The following VPS45 variants were observed in gnomAD, a reference collection of about 807,000 sequenced individuals.
VPS45 encodes the protein vacuolar protein sorting 45 homolog, also known as vacuolar protein sorting-associated protein 45.
VPS45 carries 35 observed loss-of-function variants against 75.9 expected under a neutral mutation model. The ratio of observed to expected loss-of-function variants is 0.46; its 90% CI spans 0.35 to 0.61. The LOEUF (loss-of-function observed/expected upper bound fraction) is 0.61, where lower values mean the gene tolerates loss of function less well. Among genes scored for constraint, VPS45 ranks in the 20% least tolerant of loss-of-function variants. The probability of loss-of-function intolerance (pLI) is 0.00; values close to 1 mark genes in which losing one functional copy is unlikely to be tolerated. For missense variants in VPS45, 559 were observed against 685.9 expected (o/e 0.81, Z 2.07); for synonymous variants, 220 against 238.2 (o/e 0.92, Z 0.70).
intron 9 of VPS45, among the ~76,000 whole-genome samples, chr1:150,082,460 G>A (rs914209737): frequency 6.8e-6 from 1 of 147,576 alleles, no homozygotes; most frequent in Non-Finnish European, 1.5e-5. Flanking sequence ...GTTGCAGTGA[G>A]CCAAGATCAC....
intron 7 of VPS45, 96 bp from the exon 8 acceptor site, chr1:150,081,246 A>T: frequency 8.4e-7 from 1 of 1,186,452 alleles, no homozygotes; most frequent in Non-Finnish European, 1.2e-6. Context: ...AAAGAAGACT[A>T]GTTAAAGAAT....
chr1:150,132,629 G>T (rs1221356726), intron 14 of VPS45, among the ~76,000 whole-genome samples: 4 of 152,130 alleles, frequency 2.6e-5, no homozygotes, highest in Non-Finnish European at 5.9e-5. Context: ...TAGAGCTTCT[G>T]AGCCTAAGTG....
chr1:150,067,782 C>G lies in VPS45; in HGVS notation c.-76C>G, dbSNP rs146883367. The G allele has an allele frequency of 1.2e-5, 18 of 1,472,686 alleles. No individual in the cohort carries two copies. Among genetic ancestry groups the G allele is most frequent in the South Asian group, 7.0e-5 (6 of 85,418 alleles). The allele number at this position is 1,472,686 out of a possible 1,614,324, so 91.2% of individuals were successfully genotyped here. A position where few individuals can be genotyped will look rare whatever the true frequency, so the allele number is the denominator to read the frequency against. ...CGGCTGGGAGGAAGCAGCTGAGACC[C>G]GGCCAACAGACTGGGGGTTAATTTA... On this transcript the variant is annotated 5_prime_UTR_variant, in exon 1 of 15. Coordinates refer to ENST00000644510, the MANE Select transcript of VPS45 (RefSeq NM_007259.5).
intron 2 of VPS45, 62 bp from the exon 3 acceptor site, chr1:150,072,104 T>C (rs1235831757): frequency 2.1e-6 from 3 of 1,428,570 alleles, no homozygotes; most frequent in African/African-American, 2.8e-5. Context: ...GGGTGAATGC[T>C]TATTACTTTT....
chr1:150,068,109 GT>G, intron 1 of VPS45, 159 bp downstream of exon 1: 2 of 700,690 alleles, frequency 2.9e-6, no homozygotes, highest in Non-Finnish European at 2.4e-6. Flanking sequence ...TGCCCGGTGG[GT>G]TTTCAGTCTA....
intron 10 of VPS45, among the ~76,000 whole-genome samples, chr1:150,088,304 C>T (rs1229852668): frequency 2.0e-5 from 3 of 151,800 alleles, no homozygotes; most frequent in Non-Finnish European, 2.9e-5. Context: ...TTTTTAGATT[C>T]CACATATGAG....
At chr1:150,075,404 G>A (rs777560154) in intron 3 of VPS45, among the ~76,000 whole-genome samples, 2 of 151,996 alleles carry the variant, frequency 1.3e-5, no homozygotes, top group African/African-American at 2.4e-5. Context: ...AAATTCATAG[G>A]TGAATACAGA....
intron 14 of VPS45, among the ~76,000 whole-genome samples, chr1:150,134,928 ATATT>A (rs1349227833): frequency 1.3e-5 from 2 of 152,250 alleles, no homozygotes; most frequent in East Asian, 3.8e-4. Context: ...ATTAAGGAGT[ATATT>A]TATTGAGTGG....
chr1:150,081,579 G>A, intron 8 of VPS45, 103 bp downstream of exon 8: 1 of 1,315,802 alleles, frequency 7.6e-7, no homozygotes. Flanking sequence ...TCATGTGAAA[G>A]GATGATAGGG....
intron 14 of VPS45, among the ~76,000 whole-genome samples, chr1:150,144,341 A>C (rs1553816077): frequency 6.6e-6 from 1 of 152,222 alleles, no homozygotes; most frequent in African/African-American, 2.4e-5. Context: ...GCTCTGAGAC[A>C]GTTTCAAGAG....
intron 14 of VPS45, among the ~76,000 whole-genome samples, chr1:150,136,908 G>A (rs1553813884): frequency 6.6e-6 from 1 of 151,970 alleles, no homozygotes; most frequent in Admixed American, 6.6e-5. Flanking sequence ...AGATTTGTTT[G>A]TTTGTTTTGA....
chr1:150,100,660 G>C (rs1363911158), intron 13 of VPS45, among the ~76,000 whole-genome samples: 1 of 152,114 alleles, frequency 6.6e-6, no homozygotes, highest in Non-Finnish European at 1.5e-5. Flanking sequence ...ACAGAATAGA[G>C]AGCCCAGAAA....
chr1:150,139,696 G>A (rs1659284006), intron 14 of VPS45, among the ~76,000 whole-genome samples: 1 of 152,040 alleles, frequency 6.6e-6, no homozygotes, highest in South Asian at 2.1e-4. Context: ...TGGGACTACA[G>A]GTGTGCACCA....
intron 13 of VPS45, among the ~76,000 whole-genome samples, chr1:150,101,646 A>G (rs1657014313): frequency 2.0e-5 from 3 of 151,968 alleles, no homozygotes; most frequent in Admixed American, 2.0e-4. Context: ...AGGCAGGAGA[A>G]TGGCTTGAAC....
intron 14 of VPS45, among the ~76,000 whole-genome samples, chr1:150,123,222 A>G (rs781864947): frequency 6.6e-6 from 1 of 152,168 alleles, no homozygotes; most frequent in Non-Finnish European, 1.5e-5. Context: ...TGACTGAGTA[A>G]TATTTCACTG....
intron 2 of VPS45, chr1:150,068,969 TTTTTAGGTTCACAGCCATTCC>T: frequency 1.8e-6 from 1 of 540,682 alleles, no homozygotes; most frequent in Non-Finnish European, 3.1e-6. Context: ...TTCAAGATGT[TTTTTAGGTTCACAGCCATTCC>T]CATTGCCACT....
chr1:150,141,122 C>T lies in VPS45; in HGVS notation c.1626-3587C>T, dbSNP rs201689921. ...ATTTCATCTTATCCTTCTGCCTTACCCACTCCCATACTCCTAACTTCTCCA... is the reference window on the plus strand; with the variant it reads ...ATTTCATCTTATCCTTCTGCCTTACTCACTCCCATACTCCTAACTTCTCCA... On this transcript the variant is annotated intron_variant, in intron 14 of 14. Transcript: ENST00000644510. Among the ~76,000 whole-genome samples the T allele has an allele frequency of 5.3e-4, 81 of 152,276 alleles. 2 individuals carry two copies. In the East Asian group the frequency reaches 0.013, roughly 24 times the overall value.
chr1:150,102,233 G>T (rs1377851167), intron 13 of VPS45, among the ~76,000 whole-genome samples: 1 of 28,028 alleles, frequency 3.6e-5, no homozygotes, highest in South Asian at 2.0e-3. Context: ...GTGAGACTCC[G>T]TCAAAAAAAA....
At position 150,145,237 on chromosome 1, in the gene VPS45, C is replaced by T; in HGVS notation, c.*441C>T. ...AAACCTACCATGTTTCTTTACAGAG[C>T]CATCCAAAAATTTTTTGTCCCTACA... On this transcript the variant is annotated 3_prime_UTR_variant, in exon 15 of 15. Coordinates refer to ENST00000644510, the MANE Select transcript of VPS45 (RefSeq NM_007259.5). 1 of 208,516 alleles carries T rather than the reference C, an allele frequency of 4.8e-6. No homozygotes were observed. The highest frequency in any genetic ancestry group is 9.6e-6 in the Non-Finnish European group (1 of 104,108). 12.9% of individuals were successfully genotyped at this position (208,516 alleles called of 1,614,324 possible). A position where few individuals can be genotyped will look rare whatever the true frequency, so the allele number is the denominator to read the frequency against.
Sources: allele counts gnomAD v4.1 joint callset (sites outside exome capture counted in the v4.1 genomes callset), GRCh38; gene constraint gnomAD v4.1.1; transcripts MANE v1.5; gene names NCBI Gene and HGNC (gene_info 2026-07-23, HGNC 2026-07-21).